Variants in SYT9 observed in about 807,000 individuals in gnomAD.
The protein encoded by SYT9 is synaptotagmin-9.
Under a neutral mutation model 48.4 loss-of-function variants are expected in SYT9, and 22 were observed. That is an observed-to-expected ratio of 0.45 (90% confidence interval 0.32 to 0.65). SYT9 has a LOEUF of 0.65. Ranked by LOEUF, SYT9 falls within the 30% of genes least tolerant of loss-of-function variation. The probability of loss-of-function intolerance (pLI) is 0.03; values close to 1 mark genes in which losing one functional copy is unlikely to be tolerated. For missense variants in SYT9, 577 were observed against 622.0 expected, an observed-to-expected ratio of 0.93 and a Z score of 0.77; for synonymous variants, 265 against 245.0, an observed-to-expected ratio of 1.08 and a Z score of -0.76.
chr11:7,414,956 ATC>A (rs1449235428), intron 3 of SYT9, among the ~76,000 whole-genome samples: 1 of 152,226 alleles, frequency 6.6e-6, no homozygotes, highest in Admixed American at 6.5e-5. Context: ...AACCTCAGGT[ATC>A]TCTCAGAAAT....
chr11:7,361,873 T>C lies in SYT9; in HGVS notation c.1044+47932T>C, dbSNP rs537332080. On this transcript the variant is annotated intron_variant, in intron 3 of 6. Transcript: ENST00000318881. ...GCTCTTCAAGTTAGTTTTCAAAGAC[T>C]CATATCCTTCTAATTTCCTATTCCA... Among the ~76,000 whole-genome samples, 5 of 152,312 alleles carry C rather than the reference T, an allele frequency of 3.3e-5. No homozygotes were observed. In the South Asian group the frequency reaches 1.0e-3, roughly 32 times the overall value.
chr11:7,272,412 ATTGTT>A (rs1848314004), intron 1 of SYT9, among the ~76,000 whole-genome samples: 1 of 151,660 alleles, frequency 6.6e-6, no homozygotes, highest in South Asian at 2.1e-4. Flanking sequence ...CTTATCCATT[ATTGTT>A]TTCTCTCCTC....
intron 3 of SYT9, among the ~76,000 whole-genome samples, chr11:7,391,817 G>C (rs1365419184): frequency 6.8e-6 from 1 of 147,998 alleles, no homozygotes; most frequent in Non-Finnish European, 1.5e-5. Context: ...TCGGGAACCT[G>C]AGGTGGGAGG....
At chr11:7,300,770 C>A (rs763377206) in intron 1 of SYT9, among the ~76,000 whole-genome samples, 1 of 152,172 alleles carries the variant, frequency 6.6e-6, no homozygotes, top group African/African-American at 2.4e-5. Flanking sequence ...TTTCCTCCTT[C>A]GTGGTCCCCC....
At chr11:7,314,805 G>T (rs2133955055) in intron 3 of SYT9, among the ~76,000 whole-genome samples, 1 of 152,284 alleles carries the variant, frequency 6.6e-6, no homozygotes, top group East Asian at 1.9e-4. Flanking sequence ...CTGGATATGA[G>T]CTATTCTGAG....
intron 6 of SYT9, among the ~76,000 whole-genome samples, chr11:7,424,845 G>A (rs1847424055): frequency 6.6e-6 from 1 of 152,204 alleles, no homozygotes; most frequent in Non-Finnish European, 1.5e-5. Context: ...ATGTCTGACT[G>A]TCTGCTGGGA....
intron 3 of SYT9, among the ~76,000 whole-genome samples, chr11:7,322,039 T>C (rs1206472671): frequency 6.6e-6 from 1 of 152,130 alleles, no homozygotes; most frequent in Non-Finnish European, 1.5e-5. Flanking sequence ...GATTTTAAGG[T>C]TGTGTTACAT....
intron 1 of SYT9, among the ~76,000 whole-genome samples, chr11:7,281,386 C>T (rs1429541739): frequency 6.6e-6 from 1 of 152,178 alleles, no homozygotes; most frequent in Non-Finnish European, 1.5e-5. Flanking sequence ...TGTAAAGGTA[C>T]CCCTCTCATG....
chr11:7,266,697 G>A (rs1589897817), intron 1 of SYT9, among the ~76,000 whole-genome samples: 2 of 152,028 alleles, frequency 1.3e-5, no homozygotes, highest in African/African-American at 2.4e-5. Context: ...AAGTTAAATT[G>A]GGCAGAGTAA....
At chr11:7,298,103 T>C (rs1848846817) in intron 1 of SYT9, among the ~76,000 whole-genome samples, 1 of 152,170 alleles carries the variant, frequency 6.6e-6, no homozygotes, top group Non-Finnish European at 1.5e-5. Context: ...CTTCATTCTC[T>C]CATTCTCTCT....
At chr11:7,414,695 G>A (rs1847205626) in intron 3 of SYT9, among the ~76,000 whole-genome samples, 1 of 150,230 alleles carries the variant, frequency 6.7e-6, no homozygotes, top group African/African-American at 2.5e-5. Flanking sequence ...AATGCATGAT[G>A]CAAGAAGACA....
upstream of SYT9, among the ~76,000 whole-genome samples, chr11:7,250,703 G>T (rs915524315): frequency 5.9e-5 from 9 of 152,070 alleles, no homozygotes; most frequent in African/African-American, 1.4e-4. Flanking sequence ...TTCACAGCAG[G>T]ATTTCAAAGG....
chr11:7,422,462 A>G (rs180711181), intron 6 of SYT9, among the ~76,000 whole-genome samples: 202 of 152,284 alleles, frequency 1.3e-3, no homozygotes, highest in Middle Eastern at 3.4e-3. Context: ...TCACTGAACT[A>G]TACCTCACTT....
rs550487649 is a variant in SYT9, at chr11:7,386,989, T to C, written c.1045-29053T>C. On this transcript the variant is annotated intron_variant, in intron 3 of 6. Transcript: ENST00000318881. The stretch of plus-strand genomic sequence containing the variant: ...AGCCATAAAAAATGATGAGTTCATG[T>C]CCTTTGTAGGGACATGGATGAAGCT... Among the ~76,000 whole-genome samples the C allele has an allele frequency of 2.0e-5, 3 of 152,316 alleles. No homozygotes were observed. The South Asian group carries it at 6.2e-4, about 32-fold the overall frequency.
intron 1 of SYT9, among the ~76,000 whole-genome samples, chr11:7,281,836 C>T (rs1193201111): frequency 1.3e-5 from 2 of 152,154 alleles, no homozygotes; most frequent in South Asian, 2.1e-4. Flanking sequence ...CCTGTTTTCT[C>T]GCTGTTATGC....
intron 3 of SYT9, among the ~76,000 whole-genome samples, chr11:7,370,105 C>T (rs34879106): frequency 0.2 from 30,050 of 151,958 alleles, 3,092 homozygotes; most frequent in South Asian, 0.24. Context: ...TATGCCTTTA[C>T]GTCCTCATAG....
At chr11:7,414,350 G>A (rs1186185478) in intron 3 of SYT9, among the ~76,000 whole-genome samples, 2 of 152,222 alleles carry the variant, frequency 1.3e-5, no homozygotes, top group Non-Finnish European at 2.9e-5. Context: ...AACAGAAGTT[G>A]AAGAGCAAAG....
intron 6 of SYT9, among the ~76,000 whole-genome samples, chr11:7,453,771 A>G (rs536084824): frequency 6.6e-6 from 1 of 152,188 alleles, no homozygotes; most frequent in Non-Finnish European, 1.5e-5. Context: ...CTCTGGAGCA[A>G]GGACCAGCGT....
intron 1 of SYT9, among the ~76,000 whole-genome samples, chr11:7,284,427 A>G (rs1554900376): frequency 6.6e-6 from 1 of 152,122 alleles, no homozygotes; most frequent in Non-Finnish European, 1.5e-5. Flanking sequence ...GTAAATGTTG[A>G]GCCCTTTACA....
Sources: gnomAD v4.1 joint callset for allele counts (sites outside exome capture counted in the v4.1 genomes callset) on GRCh38, gnomAD v4.1.1 for gene constraint, MANE v1.5 for transcripts, NCBI Gene and HGNC (gene_info 2026-07-23, HGNC 2026-07-21) for gene names.